Variants in RP1L1 observed in about 807,000 individuals in gnomAD.
RP1L1 encodes retinitis pigmentosa 1-like 1 protein.
RP1L1 carries 27 observed loss-of-function variants against 15.7 expected under a neutral mutation model. The ratio of observed to expected loss-of-function variants is 1.72; its 90% CI spans 1.27 to 2.38. The LOEUF (loss-of-function observed/expected upper bound fraction) is 2.38, where lower values mean the gene tolerates loss of function less well. Ranked by LOEUF, RP1L1 falls within the 30% of genes most tolerant of loss-of-function variation. The pLI is 0.00. For missense variants in RP1L1, 4,798 were observed against 3,075.9 expected (o/e 1.56, Z -13.24); for synonymous variants, 1,813 against 1,276.7 (o/e 1.42, Z -8.96).
intron 1 of RP1L1, 107 bp from the exon 2 acceptor site, chr8:10,623,327 C>A: frequency 6.1e-6 from 5 of 815,740 alleles, no homozygotes; most frequent in Admixed American, 2.9e-5. Context: ...CAAATGTGCT[C>A]CACTCCACTA....
At chr8:10,628,368 A>G (rs1284499333) in intron 1 of RP1L1, among the ~76,000 whole-genome samples, 5 of 152,174 alleles carry the variant, frequency 3.3e-5, no homozygotes, top group Non-Finnish European at 7.4e-5. Context: ...AGTGAAAACC[A>G]TGAATAACAC....
chr8:10,651,467 G>A (rs1798559987), intron 1 of RP1L1, among the ~76,000 whole-genome samples: 2 of 152,290 alleles, frequency 1.3e-5, no homozygotes, highest in South Asian at 2.1e-4. Flanking sequence ...AGTGGCTAAC[G>A]TCTGTAATCC....
intron 1 of RP1L1, among the ~76,000 whole-genome samples, chr8:10,643,699 G>A (rs1798437581): frequency 6.6e-6 from 1 of 152,034 alleles, no homozygotes; most frequent in Non-Finnish European, 1.5e-5. Context: ...CCATGCACCA[G>A]GAAAGAGAAG....
chr8:10,612,287 G>T lies in RP1L1; in HGVS notation c.1811C>A (p.Ala604Glu). 2 of 1,613,240 alleles carry T rather than the reference G, an allele frequency of 1.2e-6. No individual in the cohort carries two copies. The highest frequency in any genetic ancestry group is 1.1e-5 in the South Asian group (1 of 91,086). Reference sequence around the variant, plus strand: ...AACCAGAGGCTCCCTTGTCACAGCCGCTCCCGTGGCCTGCTCGGTGCCCTG... The same window carrying T: ...AACCAGAGGCTCCCTTGTCACAGCCTCTCCCGTGGCCTGCTCGGTGCCCTG... Reference protein sequence around the residue: ...QGQGTEQATGAAVTREPLVLG... With the variant: ...QGQGTEQATGEAVTREPLVLG... The change falls in exon 4 of 4, where the codon GCG (alanine) becomes GAG (glutamate). Residue 604 changes from alanine (A) to glutamate (E), a missense_variant. Coordinates refer to ENST00000382483, the MANE Select transcript of RP1L1 (RefSeq NM_178857.6).
Position 10,623,601 on chromosome 8 carries a change from C to A in RP1L1, c.-19-381G>T, listed in dbSNP as rs530157716. ...CAGTACTTCAATGTCCCCAGAACTT[C>A]CATGTCCCCAGCACTTCCATGTCCC... On this transcript the variant is annotated intron_variant, in intron 1 of 3. Transcript: ENST00000382483. Among the ~76,000 whole-genome samples, 9 of 151,478 alleles carry A rather than the reference C, an allele frequency of 5.9e-5. No homozygotes were observed. In the South Asian group the frequency reaches 1.9e-3, roughly 32 times the overall value.
chr8:10,640,545 C>T (rs909610111), intron 1 of RP1L1, among the ~76,000 whole-genome samples: 2 of 151,596 alleles, frequency 1.3e-5, no homozygotes, highest in African/African-American at 2.4e-5. Flanking sequence ...CTCAGTTGCT[C>T]AGGAGGCTGA....
chr8:10,610,044 C>A lies in RP1L1; in HGVS notation c.4054G>T (p.Glu1352Ter). The part of the protein sequence containing the change: ...KETEGEGQQE[E>*]EAQLEEIEET... ...TCAATTTCCTCTAACTGCGCCTCTTCTTCTTGCTGTCCTTCTCCTTCTGTT... is the reference window on the plus strand; with the variant it reads ...TCAATTTCCTCTAACTGCGCCTCTTATTCTTGCTGTCCTTCTCCTTCTGTT... The change falls in exon 4 of 4, where the codon GAA becomes TAA. Residue 1352 changes from glutamate (E) to a stop codon, truncating the protein, a stop_gained. Transcript: ENST00000382483. LOFTEE classifies it low-confidence loss of function (END_TRUNC). 6.8e-7 allele frequency: 1 copy of A among 1,472,718 alleles called. No individual in the cohort carries two copies. The highest frequency in any genetic ancestry group is 1.3e-5 in the South Asian group (1 of 79,286). 91.2% of individuals were successfully genotyped at this position (1,472,718 alleles called of 1,614,324 possible). A position where few individuals can be genotyped will look rare whatever the true frequency, so the allele number is the denominator to read the frequency against.
chr8:10,621,705 G>A, intron 2 of RP1L1: 1 of 500,864 alleles, frequency 2.0e-6, no homozygotes, highest in Non-Finnish European at 4.0e-6. Flanking sequence ...AGGAGACTGT[G>A]AATTAGGTCA....
intron 1 of RP1L1, among the ~76,000 whole-genome samples, chr8:10,640,902 C>T (rs1240495445): frequency 6.6e-6 from 1 of 152,014 alleles, no homozygotes; most frequent in African/African-American, 2.4e-5. Context: ...TGCTGAATAA[C>T]TGGGACTATA....
In RP1L1 at chr8:10,607,223, G is replaced by A. The variant is rs768940888; in HGVS notation, c.6875C>T (p.Pro2292Leu). ...GGAGGAAGGGCCTGTTTGGGAGCCT[G>A]GCCTTTGGTGGGGAGTGTCTCCACC... is the stretch of plus-strand genomic sequence containing the variant. ...SPGGDTPHQRPGSQTGPSSSR... is the reference protein window; with the variant it reads ...SPGGDTPHQRLGSQTGPSSSR... The change falls in exon 4 of 4, where the codon CCA becomes CTA. Residue 2292 changes from proline (P) to leucine (L), a missense_variant. Coordinates refer to ENST00000382483, the MANE Select transcript of RP1L1 (RefSeq NM_178857.6). The A allele has an allele frequency of 6.2e-6, 10 of 1,614,184 alleles. No individual in the cohort carries two copies. In the East Asian group the frequency reaches 2.2e-4, roughly 36 times the overall value.
chr8:10,616,407 A>C (rs1797965663), intron 3 of RP1L1, 39 bp downstream of exon 3: 1 of 1,613,704 alleles, frequency 6.2e-7, no homozygotes, highest in Non-Finnish European at 8.5e-7. Flanking sequence ...ACCACCATGC[A>C]GTGCAAATCA....
intron 1 of RP1L1, among the ~76,000 whole-genome samples, chr8:10,634,017 C>G (rs1798292278): frequency 6.6e-6 from 1 of 152,164 alleles, no homozygotes; most frequent in African/African-American, 2.4e-5. Context: ...TCAAGTCACC[C>G]TGATCCCCAG....
chr8:10,613,274 G>A lies in RP1L1; in HGVS notation c.824C>T (p.Pro275Leu). ...GGGGTTGCTAGGACCAGGCCTTTCT[G>A]GCAGCCGTGGCGTGCTGCCTGGCGG... ...RSPPGSTPRL[P>L]ERPGPSNPPV... is the part of the protein sequence containing the mutation. The change falls in exon 4 of 4, where the codon CCA becomes CTA. Residue 275 changes from proline (P) to leucine (L), a missense_variant. By Grantham distance (98) the Pro-to-Leu change is moderately conservative. Coordinates refer to ENST00000382483, the MANE Select transcript of RP1L1 (RefSeq NM_178857.6). 1 of 1,608,178 alleles carries A rather than the reference G, an allele frequency of 6.2e-7. No homozygotes were observed. The highest frequency in any genetic ancestry group is 2.2e-5 in the East Asian group (1 of 44,880).
chr8:10,654,077 G>A (rs550818199), intron 1 of RP1L1, among the ~76,000 whole-genome samples: 4 of 152,260 alleles, frequency 2.6e-5, no homozygotes, highest in African/African-American at 4.8e-5. Context: ...AGCTGCAGCC[G>A]CGCTGGACCT....
At chr8:10,625,566 G>A (rs1262217454) in intron 1 of RP1L1, among the ~76,000 whole-genome samples, 2 of 152,296 alleles carry the variant, frequency 1.3e-5, no homozygotes, top group Admixed American at 6.5e-5. Context: ...CTCCATAGGC[G>A]GAGGGCTTCT....
intron 1 of RP1L1, among the ~76,000 whole-genome samples, chr8:10,646,933 C>A (rs570441616): frequency 1.3e-5 from 2 of 152,258 alleles, no homozygotes; most frequent in Non-Finnish European, 2.9e-5. Flanking sequence ...AACCTCCCCC[C>A]CTCAGTTGTC....
chr8:10,645,319 C>T (rs374765022), intron 1 of RP1L1, among the ~76,000 whole-genome samples: 3 of 151,956 alleles, frequency 2.0e-5, no homozygotes, highest in African/African-American at 7.3e-5. Context: ...AGAGTGAGAC[C>T]CTGTAACAAA....
chr8:10,610,286 G>A lies in RP1L1; in HGVS notation c.3812C>T (p.Thr1271Ile), dbSNP rs751808483. 2.5e-6 allele frequency: 4 copies of A among 1,614,102 alleles called. No individual in the cohort carries two copies. The highest frequency in any genetic ancestry group is 2.5e-6 in the Non-Finnish European group (3 of 1,180,034). ...GTCTCTTTCTGCTTCATCCTCATTGGTGGCACAAGCGCAGGCTCGGGCGTT... is the reference window on the plus strand; with the variant it reads ...GTCTCTTTCTGCTTCATCCTCATTGATGGCACAAGCGCAGGCTCGGGCGTT... ...FLNARACACA[T>I]NEDEAERDSE... The change falls in exon 4 of 4, where the codon ACC becomes ATC. Residue 1271 changes from threonine (T) to isoleucine (I), a missense_variant. Transcript: ENST00000382483.
intron 2 of RP1L1, chr8:10,621,536 G>C (rs1456701265): frequency 2.8e-6 from 1 of 354,736 alleles, no homozygotes; most frequent in East Asian, 8.1e-5. Context: ...CTATTGGCCA[G>C]GCTGATCTCG....
Sources: gnomAD v4.1 joint callset for allele counts (sites outside exome capture counted in the v4.1 genomes callset) on GRCh38, gnomAD v4.1.1 for gene constraint, MANE v1.5 for transcripts, NCBI Gene and HGNC (gene_info 2026-07-23, HGNC 2026-07-21) for gene names.